Variants in ADAMTSL3 observed in about 807,000 individuals in gnomAD.
ADAMTSL3 encodes ADAMTS like 3, also known as ADAMTS-like protein 3.
ADAMTSL3 carries 128 observed loss-of-function variants against 201.7 expected under a neutral mutation model. That is an observed-to-expected ratio of 0.63 (90% CI 0.55 to 0.73). The LOEUF (loss-of-function observed/expected upper bound fraction) is 0.73, where lower values mean the gene tolerates loss of function less well. Among genes scored for constraint, ADAMTSL3 ranks in the 30% least tolerant of loss-of-function variants. ADAMTSL3 has a pLI of 0.00. For synonymous variants in ADAMTSL3, 738 were observed against 748.4 expected (o/e 0.99, Z 0.23); for missense variants, 1,990 against 2,119.6 (o/e 0.94, Z 1.20).
rs1322685749 is a variant in ADAMTSL3, at chr15:83,982,327, G to C, written c.2699G>C (p.Ser900Thr). 1.2e-6 allele frequency: 2 copies of C among 1,613,674 alleles called. No homozygotes were observed. The highest frequency in any genetic ancestry group is 1.7e-6 in the Non-Finnish European group (2 of 1,179,928). ...KLGEQGPQIL[S>T]VQRVYIQTRE... Reference sequence around the variant, plus strand: ...GGTGAGCAGGGTCCGCAGATCCTCAGTGTCCAGAGAGTCTACATTCAGACA... The same window carrying C: ...GGTGAGCAGGGTCCGCAGATCCTCACTGTCCAGAGAGTCTACATTCAGACA... Residue 900 changes from serine to threonine, a missense_variant, in exon 21 of 30, where the codon AGT (serine) becomes ACT (threonine). By Grantham distance (58) the Ser-to-Thr change is moderately conservative. Transcript: ENST00000286744.
chr15:83,888,955 C>T (rs2065452947), intron 10 of ADAMTSL3, among the ~76,000 whole-genome samples: 1 of 152,148 alleles, frequency 6.6e-6, no homozygotes, highest in South Asian at 2.1e-4. Context: ...GAGTGCTTGG[C>T]TTTGGGCATT....
intron 3 of ADAMTSL3, among the ~76,000 whole-genome samples, chr15:83,723,817 C>T (rs1596091442): frequency 1.3e-5 from 2 of 152,142 alleles, no homozygotes; most frequent in African/African-American, 2.4e-5. Context: ...AATGTATTCT[C>T]CAGGCTTACT....
rs186601982 is a variant in ADAMTSL3, at chr15:83,850,939, C to G, written c.728-7827C>G. Reference sequence around the variant, plus strand: ...GCCCTTTATGACTTGAGTTCTCCCTCTCTATATCCTGCGCCCGTGCTGCTC... The same window carrying G: ...GCCCTTTATGACTTGAGTTCTCCCTGTCTATATCCTGCGCCCGTGCTGCTC... On this transcript the variant is annotated intron_variant, in intron 7 of 29. Transcript: ENST00000286744. Among the ~76,000 whole-genome samples, 3 of 152,282 alleles carry G rather than the reference C, an allele frequency of 2.0e-5. No individual in the cohort carries two copies. The East Asian group carries it at 5.8e-4, about 29-fold the overall frequency.
At chr15:83,829,206 C>T (rs2064096007) in intron 6 of ADAMTSL3, among the ~76,000 whole-genome samples, 1 of 152,214 alleles carries the variant, frequency 6.6e-6, no homozygotes, top group South Asian at 2.1e-4. Flanking sequence ...ATTTCAGAGC[C>T]TGTTATTGGT....
intron 12 of ADAMTSL3, among the ~76,000 whole-genome samples, chr15:83,891,936 C>T (rs1183495913): frequency 6.6e-6 from 1 of 152,166 alleles, no homozygotes; most frequent in African/African-American, 2.4e-5. Flanking sequence ...AAGTCTTGGC[C>T]GGGCGTGGTG....
At chr15:83,678,780 A>G in intron 2 of ADAMTSL3, among the ~76,000 whole-genome samples, 1 of 105,600 alleles carries the variant, frequency 9.5e-6, no homozygotes, top group African/African-American at 3.7e-5. Context: ...ATATAACATT[A>G]ATATATATGT....
intron 2 of ADAMTSL3, among the ~76,000 whole-genome samples, chr15:83,683,837 G>C (rs143345754): frequency 6.6e-6 from 1 of 152,302 alleles, no homozygotes; most frequent in African/African-American, 2.4e-5. Context: ...TATAGGAGCT[G>C]CTATTGTTTT....
At chr15:83,995,459 A>G (rs2067670270) in intron 23 of ADAMTSL3, among the ~76,000 whole-genome samples, 1 of 152,230 alleles carries the variant, frequency 6.6e-6, no homozygotes, top group South Asian at 2.1e-4. Flanking sequence ...AAACAGTCCC[A>G]TTAAAGTCAG....
At chr15:84,006,302 G>A (rs1464906088) in intron 23 of ADAMTSL3, among the ~76,000 whole-genome samples, 5 of 151,992 alleles carry the variant, frequency 3.3e-5, no homozygotes, top group African/African-American at 9.7e-5. Flanking sequence ...TTCATTTGTC[G>A]TATATGAAAA....
At chr15:83,826,216 C>A (rs1171308130) in intron 6 of ADAMTSL3, among the ~76,000 whole-genome samples, 1 of 152,008 alleles carries the variant, frequency 6.6e-6, no homozygotes, top group East Asian at 1.9e-4. Context: ...AGTAATCCTC[C>A]CAACCTAGTC....
In ADAMTSL3 at chr15:83,983,347, A is replaced by G. The variant is rs1289251884; in HGVS notation, c.3716+3A>G. On this transcript the variant is annotated splice_donor_region_variant and intron_variant, in intron 21 of 29. Coordinates refer to ENST00000286744, the MANE Select transcript of ADAMTSL3 (RefSeq NM_207517.3). The stretch of plus-strand genomic sequence containing the variant: ...ACCTTGTTACAGCCCTCAGTAAAGT[A>G]AGTAAAATAAAAATGCAGTATTCAT... 4.1e-6 allele frequency: 6 copies of G among 1,470,058 alleles called. No homozygotes were observed. Among genetic ancestry groups the G allele is most frequent in the Non-Finnish European group, 4.5e-6 (5 of 1,108,038 alleles). 91.1% of individuals were successfully genotyped at this position (1,470,058 alleles called of 1,614,324 possible). A position where few individuals can be genotyped will look rare whatever the true frequency, so the allele number is the denominator to read the frequency against.
intron 7 of ADAMTSL3, among the ~76,000 whole-genome samples, chr15:83,855,072 G>A (rs561492071): frequency 1.3e-5 from 2 of 151,936 alleles, no homozygotes; most frequent in African/African-American, 4.8e-5. Flanking sequence ...GTCTATGTTG[G>A]GTTACACCTT....
At chr15:83,782,167 A>C (rs1447283537) in intron 4 of ADAMTSL3, among the ~76,000 whole-genome samples, 7 of 152,174 alleles carry the variant, frequency 4.6e-5, no homozygotes, top group Admixed American at 6.5e-5. Flanking sequence ...CATGGAATCA[A>C]CCTAAATTCC....
At chr15:83,758,301 A>C (rs1046417404) in intron 3 of ADAMTSL3, among the ~76,000 whole-genome samples, 4 of 152,228 alleles carry the variant, frequency 2.6e-5, no homozygotes, top group Admixed American at 2.0e-4. Context: ...AGGAAGAGCA[A>C]AGGGACATCT....
intron 19 of ADAMTSL3, among the ~76,000 whole-genome samples, chr15:83,964,766 C>T (rs965949076): frequency 6.6e-6 from 1 of 152,102 alleles, no homozygotes; most frequent in Non-Finnish European, 1.5e-5. Flanking sequence ...TTAAGGGCAG[C>T]CAGAGAGAAA....
chr15:83,990,988 G>T, intron 22 of ADAMTSL3, 98 bp from the exon 23 acceptor site: 1 of 1,543,706 alleles, frequency 6.5e-7, no homozygotes, highest in Non-Finnish European at 8.8e-7. Flanking sequence ...CTCCACTCCT[G>T]CCCTCAAAGG....
intron 3 of ADAMTSL3, among the ~76,000 whole-genome samples, chr15:83,709,430 T>G (rs1427758653): frequency 6.6e-6 from 1 of 152,158 alleles, no homozygotes; most frequent in Non-Finnish European, 1.5e-5. Context: ...TGGGGTAGAT[T>G]CTTTGGTCAT....
intron 15 of ADAMTSL3, among the ~76,000 whole-genome samples, chr15:83,908,548 A>G (rs76513040): frequency 0.056 from 8,555 of 152,298 alleles, 394 homozygotes; most frequent in Admixed American, 0.14. Flanking sequence ...TTTACTGGAC[A>G]TAATATTCAT....
In ADAMTSL3 at chr15:84,014,724, G is replaced by C. The variant is rs1370046451; in HGVS notation, c.4156G>C (p.Glu1386Gln). The C allele has an allele frequency of 1.9e-6, 3 of 1,607,446 alleles. No homozygotes were observed. Among genetic ancestry groups the C allele is most frequent in the Non-Finnish European group, 2.5e-6 (3 of 1,177,606 alleles). Residue 1386 changes from glutamate to glutamine, a missense_variant and splice_region_variant, in exon 24 of 30, where the codon GAA becomes CAA. Transcript: ENST00000286744. ...AVATSVLHLL[E>Q]RRWPESRIVF... ...GGCAACATCTGTACTCCACTTGCTG[G>C]GTAAGTGTCAAATTCTTATTGCTCC...
Sources: gnomAD v4.1 joint callset for allele counts (sites outside exome capture counted in the v4.1 genomes callset) on GRCh38, gnomAD v4.1.1 for gene constraint, MANE v1.5 for transcripts, NCBI Gene and HGNC (gene_info 2026-07-23, HGNC 2026-07-21) for gene names.